The following USP24 variants were observed in gnomAD, a reference collection of about 807,000 sequenced individuals.
The protein encoded by USP24 is ubiquitin specific peptidase 24, also known as ubiquitin carboxyl-terminal hydrolase 24.
A neutral mutation model predicts 361.6 loss-of-function variants in USP24; 97 were observed. The observed-to-expected ratio is 0.27, with a 90% confidence interval of 0.23 to 0.32. The LOEUF is 0.32. Among genes scored for constraint, USP24 ranks in the 10% least tolerant of loss-of-function variants. USP24 has a pLI of 1.00. For missense variants in USP24, 2,353 were observed against 3,165.6 expected (o/e 0.74, Z 6.16); for synonymous variants, 1,098 against 1,124.6 (o/e 0.98, Z 0.47).
rs1646812480 is a variant in USP24, at chr1:55,138,931, G to A, written c.2817+13C>T. ...CTAAGCAACATACATCTTAAAAAAAGGAAGTGGCTTACCTCTATAGTGATC... is the reference window on the plus strand; with the variant it reads ...CTAAGCAACATACATCTTAAAAAAAAGAAGTGGCTTACCTCTATAGTGATC... On this transcript the variant is annotated intron_variant, in intron 25 of 67. Coordinates refer to ENST00000294383, the MANE Select transcript of USP24 (RefSeq NM_015306.3). 1 of 1,609,514 alleles carries A rather than the reference G, an allele frequency of 6.2e-7. No individual in the cohort carries two copies. Among genetic ancestry groups the A allele is most frequent in the African/African-American group, 1.3e-5 (1 of 74,782 alleles).
chr1:55,174,555 T>C (rs565370804), intron 3 of USP24, among the ~76,000 whole-genome samples: 1 of 152,356 alleles, frequency 6.6e-6, no homozygotes, highest in South Asian at 2.1e-4. Flanking sequence ...TCCTAACAGC[T>C]GAAGGCATGA....
intron 31 of USP24, 109 bp from the exon 32 acceptor site, chr1:55,129,683 C>T (rs2100638117): frequency 2.7e-6 from 2 of 753,812 alleles, no homozygotes; most frequent in Non-Finnish European, 4.3e-6. Flanking sequence ...TTAAATGTTG[C>T]ACACTGTTTT....
At chr1:55,086,407 A>G (rs1377569327) in intron 55 of USP24, 4 of 232,344 alleles carry the variant, frequency 1.7e-5, no homozygotes, top group Admixed American at 4.9e-5. Flanking sequence ...GGGGAGCTCT[A>G]CAGAGCAAAC....
At chr1:55,132,856 G>C (rs780652551) in intron 30 of USP24, among the ~76,000 whole-genome samples, 156 bp from the exon 31 acceptor site, 1 of 152,110 alleles carries the variant, frequency 6.6e-6, no homozygotes, top group African/African-American at 2.4e-5. Flanking sequence ...ACATCACTCC[G>C]TAACTATTAA....
Position 55,134,129 on chromosome 1 carries a change from T to A in USP24, c.3322A>T (p.Ile1108Leu). Residue 1108 changes from isoleucine (I) to leucine (L), a missense_variant, in exon 30 of 68, where the codon ATA becomes TTA. Around this residue, in one of 8 missense-constraint regions of USP24, gnomAD observed 949 missense variants for 1,280.5 expected, o/e 0.74. Transcript: ENST00000294383. ...TLRVRKLLLL[I>L]PTDPAIQEAL... ...TCCTGAATGGCTGGATCAGTGGGTATCAAGAGCAGAAGCTTCCGTACTCGT... is the reference window on the plus strand; with the variant it reads ...TCCTGAATGGCTGGATCAGTGGGTAACAAGAGCAGAAGCTTCCGTACTCGT... The A allele has an allele frequency of 1.2e-6, 2 of 1,613,780 alleles. No individual in the cohort carries two copies. The highest frequency in any genetic ancestry group is 1.7e-6 in the Non-Finnish European group (2 of 1,179,788).
chr1:55,185,175 A>T lies in USP24; in HGVS notation c.325-7043T>A, dbSNP rs111611970. Among the ~76,000 whole-genome samples, 324 of 151,774 alleles carry T rather than the reference A, an allele frequency of 2.1e-3. 1 individual carries two copies. The highest frequency in any genetic ancestry group is 3.4e-3 in the Middle Eastern group (1 of 294). On this transcript the variant is annotated intron_variant, in intron 1 of 67. Transcript: ENST00000294383. ...GTTTTGTTGCTCAGGCTGATCTCGA[A>T]CTCCTAGGTTCAAGCGATTCTCCCA...
chr1:55,113,395 C>T (rs1208580089), intron 38 of USP24, among the ~76,000 whole-genome samples: 2 of 152,098 alleles, frequency 1.3e-5, no homozygotes, highest in African/African-American at 4.8e-5. Flanking sequence ...AATTAATAGC[C>T]TACCAACCAA....
chr1:55,074,425 G>C (rs1305957612), intron 63 of USP24, among the ~76,000 whole-genome samples: 1 of 152,200 alleles, frequency 6.6e-6, no homozygotes. Flanking sequence ...CTTGAGGTCA[G>C]GAGTTTGAGA....
chr1:55,195,562 G>C (rs767733123), intron 1 of USP24, among the ~76,000 whole-genome samples: 16 of 152,146 alleles, frequency 1.1e-4, no homozygotes, highest in Non-Finnish European at 2.1e-4. Flanking sequence ...TTCTTGTTAG[G>C]AGTGTTACTG....
intron 7 of USP24, among the ~76,000 whole-genome samples, chr1:55,164,771 C>T (rs748424073): frequency 1.3e-5 from 2 of 151,762 alleles, no homozygotes; most frequent in African/African-American, 4.8e-5. Context: ...AATTTTCATC[C>T]AAGTAGGATA....
chr1:55,107,389 G>T lies in USP24; in HGVS notation c.4612C>A (p.Leu1538Ile). ...EQLRISPATM[L>I]EDEITWLDNF... is the part of the protein sequence containing the mutation. ...TCCAGCCAAGTAATCTCATCTTCAA[G>T]CATCGTAGCTGGGCTGATCCTTAAC... is the stretch of plus-strand genomic sequence containing the variant. Residue 1538 changes from leucine (L) to isoleucine (I), a missense_variant, in exon 40 of 68, where the codon CTT (leucine) becomes ATT (isoleucine). Around this residue, in one of 8 missense-constraint regions of USP24, gnomAD observed 949 missense variants for 1,280.5 expected, o/e 0.74. Coordinates refer to ENST00000294383, the MANE Select transcript of USP24 (RefSeq NM_015306.3). 1 of 1,613,318 alleles carries T rather than the reference G, an allele frequency of 6.2e-7. No individual in the cohort carries two copies. Among genetic ancestry groups the T allele is most frequent in the Non-Finnish European group, 8.5e-7 (1 of 1,179,600 alleles).
At chr1:55,194,244 A>T (rs1023945043) in intron 1 of USP24, among the ~76,000 whole-genome samples, 26 of 152,240 alleles carry the variant, frequency 1.7e-4, no homozygotes, top group African/African-American at 6.0e-4. Flanking sequence ...TTCCTTTACT[A>T]AGTATTACCA....
intron 50 of USP24, among the ~76,000 whole-genome samples, chr1:55,095,959 C>T (rs1231360292): frequency 6.6e-6 from 1 of 152,232 alleles, no homozygotes; most frequent in Non-Finnish European, 1.5e-5. Flanking sequence ...ATGCTAAGGT[C>T]TCCACCAAAT....
At chr1:55,137,424 C>G in intron 28 of USP24, 91 bp downstream of exon 28, 1 of 1,396,918 alleles carries the variant, frequency 7.2e-7, no homozygotes, top group Non-Finnish European at 9.5e-7. Flanking sequence ...CTAATGAATC[C>G]CAGCATTTGT....
chr1:55,181,490 A>G (rs1643965160), intron 1 of USP24, among the ~76,000 whole-genome samples: 1 of 152,248 alleles, frequency 6.6e-6, no homozygotes. Context: ...ATAGGACTCA[A>G]ATAGTAAAAA....
chr1:55,190,164 C>CAAAAAAAAAAAAAAAA (rs397696116), intron 1 of USP24, among the ~76,000 whole-genome samples: 1 of 78,740 alleles, frequency 1.3e-5, no homozygotes, highest in African/African-American at 5.6e-5. Flanking sequence ...GACTCCATCT[C>CAAAAAAAAAAAAAAAA]AAAAAAAAAA....
chr1:55,086,148 ACAGTGTTAGCG>A (rs977481615), intron 55 of USP24, 110 bp from the exon 56 acceptor site: 1 of 1,045,840 alleles, frequency 9.6e-7, no homozygotes, highest in Non-Finnish European at 1.4e-6. Context: ...GAGTCTCCTG[ACAGTGTTAGCG>A]CTTATGGGCC....
In USP24 at chr1:55,214,832, G is replaced by A; in HGVS notation, c.282C>T (p.Gly94=). ...SRGGSTGGGG[G]FDPPPAYHEV... ...CGTGGTAGGCGGGCGGGGGGTCGAA[G>A]CCGCCCCCGCCTCCGGTGCTCCCGC... Residue 94 remains glycine, a synonymous_variant, in exon 1 of 68, where the codon GGC becomes GGT. Transcript: ENST00000294383. The A allele has an allele frequency of 8.2e-7, 1 of 1,222,930 alleles. No individual in the cohort carries two copies. The allele number at this position is 1,222,930 out of a possible 1,614,324, so 75.8% of individuals were successfully genotyped here. A position where few individuals can be genotyped will look rare whatever the true frequency, so the allele number is the denominator to read the frequency against.
intron 1 of USP24, among the ~76,000 whole-genome samples, chr1:55,181,079 C>T (rs1358841723): frequency 1.3e-5 from 2 of 151,650 alleles, no homozygotes; most frequent in South Asian, 2.1e-4. Context: ...CCTACATATC[C>T]TCACAATTTA....
Sources: gnomAD v4.1 joint callset for allele counts (sites outside exome capture counted in the v4.1 genomes callset) on GRCh38, gnomAD v4.1.1 for gene constraint, gnomAD v4.1.1 regional missense constraint, MANE v1.5 for transcripts, NCBI Gene and HGNC (gene_info 2026-07-23, HGNC 2026-07-21) for gene names.